The following CTNNA3 variants were observed in gnomAD, a reference collection of about 807,000 sequenced individuals.
The protein encoded by CTNNA3 is catenin alpha-3.
In CTNNA3, 76 loss-of-function variants were observed where a neutral mutation model predicts 95.7. That is an observed-to-expected ratio of 0.79 (90% CI 0.66 to 0.96). The LOEUF is 0.96. Ranked by LOEUF, CTNNA3 falls within the 40% of genes least tolerant of loss-of-function variation. The pLI is 0.00. For missense variants in CTNNA3, 1,191 were observed against 1,089.8 expected, an observed-to-expected ratio of 1.09 and a Z score of -1.31; for synonymous variants, 431 against 374.4, an observed-to-expected ratio of 1.15 and a Z score of -1.74.
chr10:67,384,876 C>T (rs902292785), intron 5 of CTNNA3, among the ~76,000 whole-genome samples: 1 of 152,046 alleles, frequency 6.6e-6, no homozygotes, highest in Non-Finnish European at 1.5e-5. Context: ...GCAATTATTC[C>T]CCTTTGCCTA....
intron 13 of CTNNA3, among the ~76,000 whole-genome samples, chr10:66,276,512 A>G (rs1012887154): frequency 6.6e-6 from 1 of 152,154 alleles, no homozygotes; most frequent in African/African-American, 2.4e-5. Flanking sequence ...TAAGGGGTCT[A>G]TAAAAATTAT....
At chr10:67,529,571 A>G (rs1840257977) in intron 4 of CTNNA3, among the ~76,000 whole-genome samples, 1 of 151,664 alleles carries the variant, frequency 6.6e-6, no homozygotes, top group Non-Finnish European at 1.5e-5. Context: ...GCAGCACACC[A>G]GCATGGCACA....
At chr10:67,200,796 A>G (rs1361046937) in intron 6 of CTNNA3, among the ~76,000 whole-genome samples, 2 of 152,232 alleles carry the variant, frequency 1.3e-5, no homozygotes, top group Admixed American at 6.5e-5. Context: ...TGTGAACACC[A>G]TACACATTAT....
At chr10:66,695,653 G>A (rs1847729819) in intron 9 of CTNNA3, among the ~76,000 whole-genome samples, 1 of 152,124 alleles carries the variant, frequency 6.6e-6, no homozygotes, top group African/African-American at 2.4e-5. Context: ...TGCAAGGAAA[G>A]AAGTGATCCT....
At chr10:67,006,071 C>T (rs1295442557) in intron 7 of CTNNA3, among the ~76,000 whole-genome samples, 2 of 152,070 alleles carry the variant, frequency 1.3e-5, no homozygotes, top group South Asian at 2.1e-4. Flanking sequence ...TATCTACCAC[C>T]TGTTGAACAG....
chr10:67,397,665 T>G (rs575113044), intron 5 of CTNNA3, among the ~76,000 whole-genome samples: 9 of 152,308 alleles, frequency 5.9e-5, no homozygotes, highest in African/African-American at 2.2e-4. Context: ...CTCCAGGCCA[T>G]GTCAGAGACC....
At chr10:67,182,726 G>C (rs1259692688) in intron 6 of CTNNA3, among the ~76,000 whole-genome samples, 1 of 152,112 alleles carries the variant, frequency 6.6e-6, no homozygotes, top group African/African-American at 2.4e-5. Context: ...CACAGCAAAA[G>C]AAACTACCAT....
At chr10:66,655,165 A>G (rs1589078780) in intron 9 of CTNNA3, among the ~76,000 whole-genome samples, 2 of 152,210 alleles carry the variant, frequency 1.3e-5, no homozygotes, top group South Asian at 2.1e-4. Context: ...CAATGTATAC[A>G]TATTTTAAAA....
At chr10:66,312,787 C>T (rs2092042029) in intron 12 of CTNNA3, among the ~76,000 whole-genome samples, 2 of 152,126 alleles carry the variant, frequency 1.3e-5, no homozygotes, top group Admixed American at 6.6e-5. Context: ...CCTCGTGATA[C>T]ACCCACCTCG....
At chr10:66,683,214 GA>G (rs1361598527) in intron 9 of CTNNA3, among the ~76,000 whole-genome samples, 3 of 152,150 alleles carry the variant, frequency 2.0e-5, no homozygotes, top group Admixed American at 6.5e-5. Flanking sequence ...CTGTGTGTGG[GA>G]AAAGATTGTG....
intron 7 of CTNNA3, among the ~76,000 whole-genome samples, chr10:66,912,906 A>G (rs1179304833): frequency 6.6e-6 from 1 of 152,148 alleles, no homozygotes; most frequent in Non-Finnish European, 1.5e-5. Context: ...AGTAAATACA[A>G]TATATCCAAG....
chr10:66,398,145 T>C (rs1017785094), intron 11 of CTNNA3, among the ~76,000 whole-genome samples: 2 of 151,962 alleles, frequency 1.3e-5, no homozygotes, highest in Non-Finnish European at 2.9e-5. Flanking sequence ...TTCTTTTCTT[T>C]GCACATTTTA....
At chr10:67,167,514 G>C (rs993588190) in intron 7 of CTNNA3, among the ~76,000 whole-genome samples, 1 of 152,076 alleles carries the variant, frequency 6.6e-6, no homozygotes. Context: ...ATATTTAGTT[G>C]GTCAACCAAG....
chr10:66,440,595 CTACCCA>C (rs2093368360), intron 11 of CTNNA3, among the ~76,000 whole-genome samples: 2 of 152,142 alleles, frequency 1.3e-5, no homozygotes, highest in African/African-American at 4.8e-5. Context: ...TAACTATACA[CTACCCA>C]TCTGACTCCA....
chr10:67,700,796 GAGA>G (rs539045923), upstream of CTNNA3, among the ~76,000 whole-genome samples: 87 of 152,334 alleles, frequency 5.7e-4, no homozygotes, highest in Admixed American at 2.3e-3. Flanking sequence ...GACGAGTTGA[GAGA>G]AGAAGGCTTC....
intron 9 of CTNNA3, among the ~76,000 whole-genome samples, chr10:66,654,001 T>C (rs1298567648): frequency 1.3e-5 from 2 of 152,046 alleles, no homozygotes; most frequent in African/African-American, 4.8e-5. Context: ...ACTGTAAAAC[T>C]GCTAGAAGAA....
chr10:66,830,410 G>T (rs1216582886), intron 7 of CTNNA3, among the ~76,000 whole-genome samples: 2 of 151,020 alleles, frequency 1.3e-5, no homozygotes, highest in African/African-American at 4.8e-5. Context: ...AATCTTAGAA[G>T]ATTAGAATTG....
At chr10:66,436,077 G>A (rs1326012162) in intron 11 of CTNNA3, among the ~76,000 whole-genome samples, 1 of 152,150 alleles carries the variant, frequency 6.6e-6, no homozygotes, top group Non-Finnish European at 1.5e-5. Context: ...CATTTGCTGA[G>A]GAGTGTTTTA....
At chr10:67,606,500 T>G (rs1843275090) in intron 3 of CTNNA3, among the ~76,000 whole-genome samples, 1 of 152,222 alleles carries the variant, frequency 6.6e-6, no homozygotes, top group African/African-American at 2.4e-5. Flanking sequence ...TCAAGGAACT[T>G]CATAATTTAT....
Sources: gnomAD v4.1 joint callset for allele counts (sites outside exome capture counted in the v4.1 genomes callset) on GRCh38, gnomAD v4.1.1 for gene constraint, MANE v1.5 for transcripts, NCBI Gene and HGNC (gene_info 2026-07-23, HGNC 2026-07-21) for gene names.